The following PRDM16 variants were observed in gnomAD, a reference collection of about 807,000 sequenced individuals.
The protein encoded by PRDM16 is PR/SET domain 16, also known as histone-lysine N-methyltransferase PRDM16.
PRDM16 carries 23 observed loss-of-function variants against 110.6 expected under a neutral mutation model. The ratio of observed to expected loss-of-function variants is 0.21; its 90% CI spans 0.15 to 0.29. The LOEUF (loss-of-function observed/expected upper bound fraction) is 0.29. PRDM16 is among the 10% of genes least tolerant of loss of function. The pLI, the probability that PRDM16 is intolerant of heterozygous loss-of-function variation, is 1.00. For missense variants in PRDM16, 1,615 were observed against 1,794.3 expected (o/e 0.90, Z 1.81); for synonymous variants, 799 against 781.8 (o/e 1.02, Z -0.37).
chr1:3,181,251 CACACGCAGTCTT>C (rs1487459858), intron 1 of PRDM16, among the ~76,000 whole-genome samples: 3 of 144,012 alleles, frequency 2.1e-5, no homozygotes, highest in African/African-American at 7.9e-5. Context: ...CACAGTCTTA[CACACGCAGTCTT>C]ACACACGGCC....
At chr1:3,381,869 G>T (rs1225883350) in intron 3 of PRDM16, among the ~76,000 whole-genome samples, 1 of 152,196 alleles carries the variant, frequency 6.6e-6, no homozygotes, top group Non-Finnish European at 1.5e-5. Flanking sequence ...GCAGAGCAGG[G>T]GAGACAGAGA....
rs558510731 is a variant in PRDM16 at position 3,158,778 on chromosome 1, CT to C, written c.38-27334del. On this transcript the variant is annotated intron_variant, in intron 1 of 16. Transcript: ENST00000270722. ...CTTTCTTTCTTTCTTTTCTTTCCTT[CT>C]TTTTTTTTTTTTGAGACAGAGTCTT... 4.1e-3 allele frequency among the ~76,000 whole-genome samples: 439 copies of C among 107,842 alleles called. 2 individuals carry two copies. Among genetic ancestry groups the C allele is most frequent in the Middle Eastern group, 0.021 (5 of 234 alleles). The allele number at this position is 107,842 out of a possible 152,430, so 70.7% of individuals were successfully genotyped here.
intron 3 of PRDM16, among the ~76,000 whole-genome samples, chr1:3,378,489 G>C (rs968805952): frequency 2.0e-5 from 3 of 152,170 alleles, no homozygotes; most frequent in African/African-American, 7.2e-5. Context: ...ACACGGGGCA[G>C]CCATGGCACA....
chr1:3,256,233 G>T (rs866914821), intron 3 of PRDM16, among the ~76,000 whole-genome samples: 4 of 152,204 alleles, frequency 2.6e-5, no homozygotes, highest in Admixed American at 6.5e-5. Context: ...AAGCAACACT[G>T]TAGAAGGACC....
At chr1:3,240,185 G>C (rs1287918543) in intron 2 of PRDM16, among the ~76,000 whole-genome samples, 3 of 151,852 alleles carry the variant, frequency 2.0e-5, no homozygotes, top group Non-Finnish European at 4.4e-5. Flanking sequence ...TATAATCACA[G>C]AACTTTGGGA....
At chr1:3,319,431 G>A (rs1245334994) in intron 3 of PRDM16, among the ~76,000 whole-genome samples, 2 of 152,204 alleles carry the variant, frequency 1.3e-5, no homozygotes, top group African/African-American at 2.4e-5. Context: ...GGGCAGGGGG[G>A]CAGATATGCA....
In PRDM16 at chr1:3,080,159, CA is replaced by C. The variant is rs1208649948; in HGVS notation, c.37+10864del. Among the ~76,000 whole-genome samples the C allele has an allele frequency of 6.6e-6, 1 of 152,212 alleles. No homozygotes were observed. Among genetic ancestry groups the C allele is most frequent in the Non-Finnish European group, 1.5e-5 (1 of 68,042 alleles). ...AGATAATCCCGGGCCCTGGTGCTTGCATTTAGAAAAATTAGGCCCTCTTGAA... is the reference window on the plus strand; with the variant it reads ...AGATAATCCCGGGCCCTGGTGCTTGCTTTAGAAAAATTAGGCCCTCTTGAA... On this transcript the variant is annotated intron_variant, in intron 1 of 16. Coordinates refer to ENST00000270722, the MANE Select transcript of PRDM16 (RefSeq NM_022114.4). The surrounding 1 kb of genome is among the most constrained non-coding windows in gnomAD (Gnocchi z 5.2).
intron 3 of PRDM16, among the ~76,000 whole-genome samples, chr1:3,313,960 G>C (rs1171356955): frequency 6.6e-6 from 1 of 151,646 alleles, no homozygotes. Flanking sequence ...GTTGGTTGCA[G>C]AGTTTCATTC....
At chr1:3,258,360 G>T (rs1267284035) in intron 3 of PRDM16, among the ~76,000 whole-genome samples, 5 of 152,188 alleles carry the variant, frequency 3.3e-5, no homozygotes, top group Non-Finnish European at 5.9e-5. Flanking sequence ...TTCCGTGTGA[G>T]TGTACCGTTT....
intron 1 of PRDM16, among the ~76,000 whole-genome samples, chr1:3,120,818 G>A (rs1643078144): frequency 6.6e-6 from 1 of 152,204 alleles, no homozygotes. Context: ...AGTGCAAGGA[G>A]GCTGCCGGCC....
chr1:3,127,288 G>A (rs893806457), intron 1 of PRDM16, among the ~76,000 whole-genome samples: 11 of 152,174 alleles, frequency 7.2e-5, no homozygotes, highest in African/African-American at 2.7e-4. Flanking sequence ...AATGCATAAC[G>A]GCGGTGCGCA....
chr1:3,333,434 A>G (rs1642082964), intron 3 of PRDM16, among the ~76,000 whole-genome samples: 1 of 152,174 alleles, frequency 6.6e-6, no homozygotes, highest in Non-Finnish European at 1.5e-5. Context: ...ATCTGACCCT[A>G]GGAGTCTGGA....
intron 1 of PRDM16, among the ~76,000 whole-genome samples, chr1:3,093,063 C>T (rs1461378704): frequency 6.6e-6 from 1 of 152,146 alleles, no homozygotes; most frequent in Non-Finnish European, 1.5e-5. Flanking sequence ...TGGCTGACCG[C>T]CCTCAATAGT....
In PRDM16 at chr1:3,243,955, G is replaced by T; in HGVS notation, c.388-132G>T. Reference sequence around the variant, plus strand: ...TGATCAATGGAACCCTTCATTTCCTGCTGTGGAGAAGCCACTGGGTCCCAC... The same window carrying T: ...TGATCAATGGAACCCTTCATTTCCTTCTGTGGAGAAGCCACTGGGTCCCAC... On this transcript the variant is annotated intron_variant, in intron 2 of 16. Transcript: ENST00000270722. The surrounding 1 kb of genome is among the most constrained non-coding windows in gnomAD (Gnocchi z 5.5). The T allele has an allele frequency of 1.2e-6, 1 of 817,886 alleles. No individual in the cohort carries two copies. Among genetic ancestry groups the T allele is most frequent in the Non-Finnish European group, 2.1e-6 (1 of 477,266 alleles). 50.7% of individuals were successfully genotyped at this position (817,886 alleles called of 1,614,324 possible). A position where few individuals can be genotyped will look rare whatever the true frequency, so the allele number is the denominator to read the frequency against.
At position 3,277,387 on chromosome 1, in the gene PRDM16, G is replaced by T. The variant is rs554112991; in HGVS notation, c.438+33250G>T. Among the ~76,000 whole-genome samples the T allele has an allele frequency of 2.7e-4, 41 of 152,336 alleles. No homozygotes were observed. In the East Asian group the frequency reaches 6.8e-3, roughly 25 times the overall value. ...GCCAGGAGGCACGTCAGCCGGGAAG[G>T]CTGCAGGGAACCCCCAAGCCCAGGC... On this transcript the variant is annotated intron_variant, in intron 3 of 16. Transcript: ENST00000270722.
intron 3 of PRDM16, chr1:3,307,893 A>G (rs1641350068): frequency 6.6e-6 from 1 of 152,116 alleles, no homozygotes; most frequent in South Asian, 2.1e-4. Flanking sequence ...TCAGCCTGTG[A>G]GAGTTGGTAA....
intron 1 of PRDM16, among the ~76,000 whole-genome samples, chr1:3,103,365 G>T (rs1194607794): frequency 1.3e-5 from 2 of 152,188 alleles, no homozygotes; most frequent in African/African-American, 4.8e-5. Context: ...TTGGATTAGG[G>T]CCCGTCCTAA....
chr1:3,380,319 G>A (rs935937420), intron 3 of PRDM16, among the ~76,000 whole-genome samples: 1 of 152,002 alleles, frequency 6.6e-6, no homozygotes, highest in African/African-American at 2.4e-5. Flanking sequence ...ACCCCAGGGG[G>A]CCCACCAGGC....
intron 3 of PRDM16, among the ~76,000 whole-genome samples, chr1:3,351,678 C>T (rs1164156340): frequency 1.2e-5 from 1 of 80,628 alleles, no homozygotes; most frequent in Non-Finnish European, 2.6e-5. Context: ...TCTCCCCTCC[C>T]TCTTTCTCTC....
Sources: gnomAD v4.1 joint callset for allele counts (sites outside exome capture counted in the v4.1 genomes callset) on GRCh38, gnomAD v4.1.1 for gene constraint, Gnocchi (gnomAD v3.1) non-coding constraint, MANE v1.5 for transcripts, NCBI Gene and HGNC (gene_info 2026-07-23, HGNC 2026-07-21) for gene names.